Variants in GRK3 observed in about 807,000 individuals in gnomAD.
GRK3 encodes the protein G protein-coupled receptor kinase 3, also known as adrenergic, beta, receptor kinase 2.
A neutral mutation model predicts 95.7 loss-of-function variants in GRK3; 54 were observed. The observed-to-expected ratio is 0.56, with a 90% CI of 0.45 to 0.71. The LOEUF (loss-of-function observed/expected upper bound fraction) is 0.71, where lower values mean the gene tolerates loss of function less well. Among genes scored for constraint, GRK3 ranks in the 30% least tolerant of loss-of-function variants. The probability of loss-of-function intolerance (pLI) is 0.00; values close to 1 mark genes in which losing one functional copy is unlikely to be tolerated. For missense variants in GRK3, 649 were observed against 851.2 expected (o/e 0.76, Z 2.96); for synonymous variants, 281 against 290.8 (o/e 0.97, Z 0.34).
At chr22:25,707,012 G>A (rs984713217) in intron 15 of GRK3, among the ~76,000 whole-genome samples, 1 of 151,694 alleles carries the variant, frequency 6.6e-6, no homozygotes, top group Admixed American at 6.6e-5. Flanking sequence ...TATAGAGAAG[G>A]GGTCTTGCTA....
chr22:25,681,208 T>C (rs1377914343), intron 9 of GRK3, among the ~76,000 whole-genome samples: 1 of 152,150 alleles, frequency 6.6e-6, no homozygotes, highest in Non-Finnish European at 1.5e-5. Context: ...CCAGGCACTC[T>C]GCGGCAAGCT....
chr22:25,725,739 G>A lies in GRK3; in HGVS notation c.*3289G>A, dbSNP rs949945851. On this transcript the variant is annotated 3_prime_UTR_variant, in exon 21 of 21. Coordinates refer to ENST00000324198, the MANE Select transcript of GRK3 (RefSeq NM_005160.4). ...AGAGGGGCGGTTCACGAGGTCAGGA[G>A]ATTGAGACCATCCTGGTTAGCAGAG... The A allele has an allele frequency of 6.0e-5, 24 of 397,266 alleles. No homozygotes were observed. Among genetic ancestry groups the A allele is most frequent in the Admixed American group, 8.8e-5 (2 of 22,698 alleles). The allele number at this position is 397,266 out of a possible 1,614,324, so 24.6% of individuals were successfully genotyped here.
chr22:25,669,640 AG>A (rs2084965832), intron 6 of GRK3, among the ~76,000 whole-genome samples: 1 of 152,214 alleles, frequency 6.6e-6, no homozygotes, highest in Admixed American at 6.5e-5. Context: ...CTCAGTAACC[AG>A]GCATTGATTG....
chr22:25,602,373 G>A (rs2084415305), intron 1 of GRK3, among the ~76,000 whole-genome samples: 1 of 152,144 alleles, frequency 6.6e-6, no homozygotes, highest in Admixed American at 6.5e-5. Flanking sequence ...ATTGTTGGTG[G>A]GATTGTAAAA....
intron 1 of GRK3, among the ~76,000 whole-genome samples, chr22:25,582,869 A>G (rs1270677528): frequency 6.6e-6 from 1 of 152,208 alleles, no homozygotes; most frequent in Non-Finnish European, 1.5e-5. Flanking sequence ...TGGAGTACAG[A>G]TACTCTGGGC....
At chr22:25,690,476 A>G (rs1000721714) in intron 12 of GRK3, among the ~76,000 whole-genome samples, 193 bp downstream of exon 12, 3 of 152,232 alleles carry the variant, frequency 2.0e-5, no homozygotes, top group African/African-American at 7.2e-5. Flanking sequence ...GAATTAACCC[A>G]CAGTGGAGTT....
Position 25,697,732 on chromosome 22 carries a change from GAGCTACCC to G in GRK3, c.1160+2521_1160+2528del, listed in dbSNP as rs553741245. On this transcript the variant is annotated intron_variant, in intron 13 of 20. Coordinates refer to ENST00000324198, the MANE Select transcript of GRK3 (RefSeq NM_005160.4). ...TTAATACAAGAATGTCCAGTCATTT[GAGCTACCC>G]AGTGAAGGAGGGTTCTGCCTCATGG... Among the ~76,000 whole-genome samples, 362 of 152,320 alleles carry G rather than the reference GAGCTACCC, an allele frequency of 2.4e-3. 3 individuals are homozygous for G. In the Middle Eastern group the frequency reaches 0.031, roughly 13 times the overall value.
intron 2 of GRK3, among the ~76,000 whole-genome samples, chr22:25,630,508 T>C (rs951399925): frequency 4.6e-5 from 7 of 152,124 alleles, no homozygotes; most frequent in Admixed American, 4.6e-4. Context: ...GTCAGAAATT[T>C]TTACTTTTCT....
At chr22:25,696,597 A>T (rs2085210828) in intron 13 of GRK3, among the ~76,000 whole-genome samples, 2 of 152,244 alleles carry the variant, frequency 1.3e-5, no homozygotes, top group African/African-American at 4.8e-5. Context: ...TAATATTTTC[A>T]TATGAACACA....
chr22:25,695,009 C>T, intron 12 of GRK3, 98 bp from the exon 13 acceptor site: 1 of 731,788 alleles, frequency 1.4e-6, no homozygotes, highest in South Asian at 1.9e-5. Flanking sequence ...TGTTTACAGT[C>T]GCTGCCATCT....
At chr22:25,595,848 G>A (rs1381169376) in intron 1 of GRK3, among the ~76,000 whole-genome samples, 1 of 152,192 alleles carries the variant, frequency 6.6e-6, no homozygotes, top group Non-Finnish European at 1.5e-5. Context: ...TCAGGAGGCT[G>A]AGGTGGGAGG....
At chr22:25,649,160 T>G in intron 3 of GRK3, 1 of 1,399,798 alleles carries the variant, frequency 7.1e-7, no homozygotes, top group South Asian at 1.2e-5. Flanking sequence ...GACCAACATT[T>G]GAATATGTTC....
At chr22:25,717,313 A>C (rs1364581948) in intron 18 of GRK3, among the ~76,000 whole-genome samples, 1 of 152,120 alleles carries the variant, frequency 6.6e-6, no homozygotes, top group Non-Finnish European at 1.5e-5. Flanking sequence ...CAGATTTCGG[A>C]AATGCAAGCA....
chr22:25,713,145 T>TG (rs1365382514), intron 17 of GRK3, among the ~76,000 whole-genome samples: 1 of 152,218 alleles, frequency 6.6e-6, no homozygotes, highest in African/African-American at 2.4e-5. Flanking sequence ...TCAGAATAAC[T>TG]GCCTGGGCAA....
rs2084806193 is a variant in GRK3 at position 25,648,747 on chromosome 22, G to T, written c.264+4082G>T. 12 of 1,121,890 alleles carry T rather than the reference G, an allele frequency of 1.1e-5. 1 individual carries two copies. In the East Asian group the frequency reaches 2.8e-4, roughly 26 times the overall value. 69.5% of individuals were successfully genotyped at this position (1,121,890 alleles called of 1,614,324 possible). A position where few individuals can be genotyped will look rare whatever the true frequency, so the allele number is the denominator to read the frequency against. ...GGTTGATATGCCTGCTCAGATTGCT[G>T]ATGGTATGGCATATATTAAAAGAAT... On this transcript the variant is annotated intron_variant, in intron 3 of 20. Transcript: ENST00000324198.
Position 25,703,556 on chromosome 22 carries a change from G to T in GRK3, c.1207G>T (p.Asp403Tyr). The T allele has an allele frequency of 1.2e-6, 2 of 1,612,982 alleles. No individual in the cohort carries two copies. Among genetic ancestry groups the T allele is most frequent in the South Asian group, 2.2e-5 (2 of 90,970 alleles). The change falls in exon 14 of 21, where the codon GAC becomes TAC. Residue 403 changes from aspartate to tyrosine, a missense_variant. Physicochemically the swap from Asp to Tyr is radical, Grantham distance 160. Coordinates refer to ENST00000324198, the MANE Select transcript of GRK3 (RefSeq NM_005160.4). ...QHKTKDKHEI[D>Y]RMTLTVNVEL... Reference sequence around the variant, plus strand: ...TAAAACCAAAGACAAGCATGAAATTGACCGAATGACACTCACCGTGGTAAG... The same window carrying T: ...TAAAACCAAAGACAAGCATGAAATTTACCGAATGACACTCACCGTGGTAAG...
chr22:25,706,158 A>G (rs935823742), intron 15 of GRK3, among the ~76,000 whole-genome samples: 1 of 152,158 alleles, frequency 6.6e-6, no homozygotes, highest in African/African-American at 2.4e-5. Context: ...ACAAATTTTC[A>G]ACCCTTTCGT....
chr22:25,704,222 T>A lies in GRK3; in HGVS notation c.1328+13T>A, dbSNP rs777249993. The A allele has an allele frequency of 6.2e-7, 1 of 1,601,980 alleles. No individual in the cohort carries two copies. The highest frequency in any genetic ancestry group is 1.7e-4 in the Middle Eastern group (1 of 5,918). The stretch of plus-strand genomic sequence containing the variant: ...GTCACGGAGGCGGGTAGGCCATTGT[T>A]CCTGCCTTTCGGTATCTTTACCAGA... On this transcript the variant is annotated intron_variant, in intron 15 of 20. Transcript: ENST00000324198.
At chr22:25,696,295 A>G (rs909620600) in intron 13 of GRK3, among the ~76,000 whole-genome samples, 1 of 152,166 alleles carries the variant, frequency 6.6e-6, no homozygotes, top group Non-Finnish European at 1.5e-5. Context: ...ACCCATTTTA[A>G]AAAGCTTGCG....
Sources: allele counts gnomAD v4.1 joint callset (sites outside exome capture counted in the v4.1 genomes callset), GRCh38; gene constraint gnomAD v4.1.1; transcripts MANE v1.5; gene names NCBI Gene and HGNC (gene_info 2026-07-23, HGNC 2026-07-21).